Variants in RUNDC3B observed in about 807,000 individuals in gnomAD.
The protein encoded by RUNDC3B is RUN domain-containing protein 3B.
Under a neutral mutation model 58.4 loss-of-function variants are expected in RUNDC3B, and 33 were observed. That is an observed-to-expected ratio of 0.56 (90% CI 0.43 to 0.75). The LOEUF (loss-of-function observed/expected upper bound fraction) is 0.75. Among genes scored for constraint, RUNDC3B ranks in the 30% least tolerant of loss-of-function variants. RUNDC3B has a pLI of 0.00. For missense variants in RUNDC3B, 501 were observed against 535.7 expected (o/e 0.94, Z 0.64); for synonymous variants, 193 against 195.2 (o/e 0.99, Z 0.10).
At chr7:87,681,681 C>T (rs1304754570) in intron 2 of RUNDC3B, among the ~76,000 whole-genome samples, 6 of 143,416 alleles carry the variant, frequency 4.2e-5, no homozygotes, top group Admixed American at 2.8e-4. Context: ...GATTGATGTG[C>T]TGGCTGCTGA....
rs531412611 is a variant in RUNDC3B at position 87,809,463 on chromosome 7, T to A, written c.1103+1944T>A. On this transcript the variant is annotated intron_variant, in intron 9 of 10. Transcript: ENST00000394654. ...GTGTAACACTGAGCAATACTTCCTC[T>A]CCTTGCTCTTTTCTTTCTGCACATG... 3.3e-5 allele frequency among the ~76,000 whole-genome samples: 5 copies of A among 152,308 alleles called. No individual in the cohort carries two copies. The East Asian group carries it at 9.6e-4, about 29-fold the overall frequency.
At chr7:87,818,121 C>A (rs1416603544) in intron 10 of RUNDC3B, among the ~76,000 whole-genome samples, 1 of 152,026 alleles carries the variant, frequency 6.6e-6, no homozygotes, top group African/African-American at 2.4e-5. Flanking sequence ...AAAGCTAATT[C>A]ATACTATGAA....
At chr7:87,687,464 C>G (rs768836819) in intron 2 of RUNDC3B, among the ~76,000 whole-genome samples, 1 of 152,192 alleles carries the variant, frequency 6.6e-6, no homozygotes, top group Non-Finnish European at 1.5e-5. Context: ...GTCTTAACTT[C>G]TAGCATATTA....
At position 87,689,733 on chromosome 7, in the gene RUNDC3B, C is replaced by G. The variant is rs1005361436; in HGVS notation, c.239-10688C>G. Among the ~76,000 whole-genome samples, 4 of 152,112 alleles carry G rather than the reference C, an allele frequency of 2.6e-5. No individual in the cohort carries two copies. The South Asian group carries it at 8.3e-4, about 32-fold the overall frequency. On this transcript the variant is annotated intron_variant, in intron 2 of 10. Transcript: ENST00000394654. ...CTACATCTTTCTGATGTTCTAATTT[C>G]AATGAGTTGTCCTTTTCAAAATCAT...
At chr7:87,794,675 T>C (rs1263039213) in intron 8 of RUNDC3B, among the ~76,000 whole-genome samples, 4 of 145,888 alleles carry the variant, frequency 2.7e-5, no homozygotes, top group African/African-American at 1.0e-4. Flanking sequence ...AAACCCAGAA[T>C]AGCTAAAGCT....
intron 4 of RUNDC3B, among the ~76,000 whole-genome samples, chr7:87,725,802 A>G (rs971049892): frequency 2.0e-5 from 3 of 152,174 alleles, no homozygotes. Flanking sequence ...GTGAGATGGT[A>G]CCTCACTGTG....
intron 10 of RUNDC3B, among the ~76,000 whole-genome samples, chr7:87,825,311 C>T (rs191697672): frequency 1.0e-3 from 152 of 152,306 alleles, no homozygotes; most frequent in African/African-American, 3.6e-3. Flanking sequence ...AAATGTTAAT[C>T]CCCAAGACAA....
At chr7:87,823,295 A>C (rs925958361) in intron 10 of RUNDC3B, among the ~76,000 whole-genome samples, 1 of 152,174 alleles carries the variant, frequency 6.6e-6, no homozygotes, top group Non-Finnish European at 1.5e-5. Flanking sequence ...TTAAAATTTC[A>C]TAAACCATCC....
intron 6 of RUNDC3B, among the ~76,000 whole-genome samples, chr7:87,758,616 A>G (rs1833505538): frequency 6.6e-6 from 1 of 152,236 alleles, no homozygotes; most frequent in Non-Finnish European, 1.5e-5. Context: ...AAAGAGTTCA[A>G]ACAACTCAAT....
At chr7:87,669,144 A>T (rs907269813) in intron 2 of RUNDC3B, among the ~76,000 whole-genome samples, 16 of 152,108 alleles carry the variant, frequency 1.1e-4, no homozygotes, top group African/African-American at 3.9e-4. Flanking sequence ...AACTTGCTTT[A>T]TGAATCTGGG....
intron 6 of RUNDC3B, among the ~76,000 whole-genome samples, chr7:87,751,835 C>A (rs978506401): frequency 6.6e-6 from 1 of 152,066 alleles, no homozygotes; most frequent in Non-Finnish European, 1.5e-5. Context: ...GACAATTTGA[C>A]TTCCTCTTTT....
chr7:87,751,808 T>C (rs1289410904), intron 6 of RUNDC3B, among the ~76,000 whole-genome samples: 1 of 152,228 alleles, frequency 6.6e-6, no homozygotes, highest in East Asian at 1.9e-4. Flanking sequence ...AGACATACCA[T>C]GTCATCTGCA....
At chr7:87,715,049 G>T (rs988666852) in intron 4 of RUNDC3B, among the ~76,000 whole-genome samples, 35 of 150,868 alleles carry the variant, frequency 2.3e-4, no homozygotes, top group Non-Finnish European at 3.8e-4. Context: ...AGTTTCAGGG[G>T]GTCTCCCTAC....
At chr7:87,789,072 G>T (rs1489733684) in intron 8 of RUNDC3B, among the ~76,000 whole-genome samples, 7 of 152,182 alleles carry the variant, frequency 4.6e-5, no homozygotes, top group Non-Finnish European at 8.8e-5. Flanking sequence ...TAGAGGTACA[G>T]ACTGTCAGAT....
At chr7:87,738,341 A>C (rs573279789) in intron 4 of RUNDC3B, among the ~76,000 whole-genome samples, 3 of 152,142 alleles carry the variant, frequency 2.0e-5, no homozygotes, top group African/African-American at 7.2e-5. Flanking sequence ...ATATGTAAAA[A>C]AATCCTTCCA....
chr7:87,741,112 G>A (rs1239836701), intron 5 of RUNDC3B, among the ~76,000 whole-genome samples: 1 of 151,898 alleles, frequency 6.6e-6, no homozygotes, highest in African/African-American at 2.4e-5. Context: ...GGCTGAGGCA[G>A]GAGAATCGCT....
chr7:87,714,051 A>C (rs1238758688), intron 4 of RUNDC3B, among the ~76,000 whole-genome samples: 1 of 152,218 alleles, frequency 6.6e-6, no homozygotes, highest in Non-Finnish European at 1.5e-5. Flanking sequence ...ACAGAGAGAA[A>C]AAATGAGTTG....
Position 87,769,661 on chromosome 7 carries a change from G to A in RUNDC3B, c.630-920G>A, listed in dbSNP as rs138643546. On this transcript the variant is annotated intron_variant, in intron 6 of 10. Transcript: ENST00000394654. ...CTTCTTTTTTTTTATTATACTTTAA[G>A]TTCTGGGATACATGTGCAGAACGTG... is the stretch of plus-strand genomic sequence containing the variant. 2.3e-4 allele frequency among the ~76,000 whole-genome samples: 34 copies of A among 150,696 alleles called. No individual in the cohort carries two copies. In the East Asian group the frequency reaches 6.5e-3, roughly 29 times the overall value.
intron 8 of RUNDC3B, among the ~76,000 whole-genome samples, chr7:87,790,294 G>A (rs995972625): frequency 3.9e-5 from 6 of 152,172 alleles, no homozygotes; most frequent in Admixed American, 2.0e-4. Flanking sequence ...GTACCTCTAC[G>A]AGTCTGCAAA....
Sources: gnomAD v4.1 joint callset for allele counts (sites outside exome capture counted in the v4.1 genomes callset) on GRCh38, gnomAD v4.1.1 for gene constraint, MANE v1.5 for transcripts, NCBI Gene and HGNC (gene_info 2026-07-23, HGNC 2026-07-21) for gene names.